Variants in LAYN observed in about 807,000 individuals in gnomAD.
The protein encoded by LAYN is layilin.
LAYN carries 38 observed loss-of-function variants against 43.6 expected under a neutral mutation model. The ratio of observed to expected loss-of-function variants is 0.87; its 90% CI spans 0.67 to 1.14. LAYN has a LOEUF of 1.14. Ranked by LOEUF, LAYN falls within the 50% of genes most tolerant of loss-of-function variation. The pLI is 0.00. For synonymous variants in LAYN, 168 were observed against 172.9 expected (o/e 0.97, Z 0.22); for missense variants, 479 against 463.8 (o/e 1.03, Z -0.30).
chr11:111,555,190 C>T lies in LAYN; in HGVS notation c.575-17C>T. ...ATGCCTTTCTTCAAGTTCACAAGTC[C>T]ATGTGTCTCTCTCCAGGTGAGGAAA... On this transcript the variant is annotated splice_polypyrimidine_tract_variant and intron_variant, in intron 4 of 6. Transcript: ENST00000375614. 1 of 1,589,296 alleles carries T rather than the reference C, an allele frequency of 6.3e-7. No homozygotes were observed.
intron 3 of LAYN, chr11:111,551,400 C>A (rs1162935599): frequency 4.4e-6 from 2 of 456,266 alleles, no homozygotes; most frequent in Non-Finnish European, 8.8e-6. Context: ...ACCTCAACCT[C>A]CCAAGGCACA....
At chr11:111,549,525 T>A in intron 2 of LAYN, 93 bp from the exon 3 acceptor site, 3 of 1,092,000 alleles carry the variant, frequency 2.7e-6, no homozygotes, top group Non-Finnish European at 2.5e-6. Flanking sequence ...ATCTTATGTT[T>A]ATGGCTCAGT....
intron 6 of LAYN, 113 bp from the exon 7 acceptor site, chr11:111,559,982 A>G: frequency 8.1e-7 from 1 of 1,238,134 alleles, no homozygotes; most frequent in African/African-American, 1.5e-5. Context: ...CATAGACGAG[A>G]CATGCAGCTG....
Position 111,560,167 on chromosome 11 carries a change from C to CCCGGACCTAG in LAYN, c.835_844dup (p.Glu282AlafsTer16). 4 of 1,614,202 alleles carry CCCGGACCTAG rather than the reference C, an allele frequency of 2.5e-6. No homozygotes were observed. The highest frequency in any genetic ancestry group is 2.5e-6 in the Non-Finnish European group (3 of 1,180,028). On this transcript the variant is annotated frameshift_variant, in exon 7 of 7. Transcript: ENST00000375614. LOFTEE classifies it high-confidence loss of function. Reference sequence around the variant, plus strand: ...GGCCCTCTCCTCACCAGGGAAACAGCCCGGACCTAGAGGTCTACAATGTCA... The same window carrying CCCGGACCTAG: ...GGCCCTCTCCTCACCAGGGAAACAGCCCGGACCTAGCCGGACCTAGAGGTCTACAATGTCA...
In LAYN at chr11:111,553,380, G is replaced by A. The variant is rs12574382; in HGVS notation, c.542-1181G>A. ...TGTAATCCCAGCATTTTGGGAAGCT[G>A]AAGCTGGTGGATCACTTGAGGTCAG... On this transcript the variant is annotated intron_variant, in intron 3 of 6. Transcript: ENST00000375614. Among the ~76,000 whole-genome samples the A allele has an allele frequency of 3.1e-3, 472 of 152,202 alleles. 19 individuals are homozygous for A. The East Asian group carries it at 0.076, about 24-fold the overall frequency.
chr11:111,546,990 G>A (rs1196973304), intron 2 of LAYN, among the ~76,000 whole-genome samples: 3 of 152,102 alleles, frequency 2.0e-5, no homozygotes, highest in Admixed American at 6.5e-5. Flanking sequence ...GGCCCAAGTG[G>A]CAAATCTGCT....
At chr11:111,543,842 C>T (rs1867592234) in intron 1 of LAYN, 81 bp from the exon 2 acceptor site, 2 of 1,387,828 alleles carry the variant, frequency 1.4e-6, no homozygotes, top group African/African-American at 1.4e-5. Flanking sequence ...CCAGGGATAC[C>T]TTCCTTTGGA....
rs1383171464 is a variant in LAYN at position 111,560,338 on chromosome 11, T to G, written c.1005T>G (p.Phe335Leu). ...NMAVNPSESG[F>L]VTLVSVESGF... ...CTGTGAACCCATCAGAAAGTGGGTT[T>G]GTGACTCTGGTGAGCGTGGAGAGTG... The change falls in exon 7 of 7, where the codon TTT (phenylalanine) becomes TTG (leucine). Residue 335 changes from phenylalanine to leucine, a missense_variant. By Grantham distance (22) the Phe-to-Leu change is conservative. Coordinates refer to ENST00000375614, the MANE Select transcript of LAYN (RefSeq NM_178834.5). 6 of 1,614,080 alleles carry G rather than the reference T, an allele frequency of 3.7e-6. No homozygotes were observed. The highest frequency in any genetic ancestry group is 5.1e-6 in the Non-Finnish European group (6 of 1,180,036).
At chr11:111,555,170 T>C (rs759288529) in intron 4 of LAYN, 37 bp from the exon 5 acceptor site, 2 of 1,491,250 alleles carry the variant, frequency 1.3e-6, no homozygotes, top group Non-Finnish European at 1.9e-6. Flanking sequence ...GAATTATGCC[T>C]TTCTTCAAGT....
At chr11:111,557,393 T>C (rs895601208) in intron 5 of LAYN, 148 bp from the exon 6 acceptor site, 36 of 672,486 alleles carry the variant, frequency 5.4e-5, no homozygotes, top group Non-Finnish European at 7.5e-5. Flanking sequence ...AGCCTTTTCC[T>C]TTGTTTTGTT....
At position 111,560,643 on chromosome 11, in the gene LAYN, C is replaced by G. The variant is rs1867940257; in HGVS notation, c.*185C>G. ...TTTTGGCTGTATCCTTTATCCCAGCCAGTCATCCAGCTCGACCTTATGAGA... is the reference window on the plus strand; with the variant it reads ...TTTTGGCTGTATCCTTTATCCCAGCGAGTCATCCAGCTCGACCTTATGAGA... On this transcript the variant is annotated 3_prime_UTR_variant, in exon 7 of 7. Coordinates refer to ENST00000375614, the MANE Select transcript of LAYN (RefSeq NM_178834.5). 1.1e-5 allele frequency: 7 copies of G among 626,124 alleles called. No homozygotes were observed. The highest frequency in any genetic ancestry group is 2.8e-5 in the East Asian group (1 of 35,226). The allele number at this position is 626,124 out of a possible 1,614,324, so 38.8% of individuals were successfully genotyped here.
chr11:111,555,386 C>A, intron 5 of LAYN, 96 bp downstream of exon 5: 1 of 863,748 alleles, frequency 1.2e-6, no homozygotes, highest in Non-Finnish European at 1.9e-6. Flanking sequence ...TTTCCCACAG[C>A]TACCTAAAAA....
In LAYN at chr11:111,540,908, C is replaced by T; in HGVS notation, c.65C>T (p.Ala22Val). Residue 22 changes from alanine (A) to valine (V), a missense_variant, in exon 1 of 7, where the codon GCG (alanine) becomes GTG (valine). Transcript: ENST00000375614. ...LAVLLVGLRA[A>V]TGRLLSGQPV... ...GTGCTGCTGGTGGGGCTGCGGGCCG[C>T]GACGGGTCGCCTGCTGAGTGGTGAG... is the stretch of plus-strand genomic sequence containing the variant. The T allele has an allele frequency of 6.5e-7, 1 of 1,532,084 alleles. No individual in the cohort carries two copies. Among genetic ancestry groups the T allele is most frequent in the Non-Finnish European group, 8.7e-7 (1 of 1,145,636 alleles). The allele number at this position is 1,532,084 out of a possible 1,614,324, so 94.9% of individuals were successfully genotyped here.
Position 111,560,485 on chromosome 11 carries a change from C to T in LAYN, c.*27C>T. ...ACATATAAAAAACTGAAACTGACAA[C>T]AATGGAAAAGAAATGATAAGCAAAA... On this transcript the variant is annotated 3_prime_UTR_variant, in exon 7 of 7. Transcript: ENST00000375614. The T allele has an allele frequency of 6.3e-7, 1 of 1,580,298 alleles. No individual in the cohort carries two copies.
chr11:111,541,726 C>G, intron 1 of LAYN: 1 of 749,582 alleles, frequency 1.3e-6, no homozygotes, highest in Non-Finnish European at 2.3e-6. Flanking sequence ...CTCCTCTACT[C>G]TGGCATCCTG....
chr11:111,554,106 G>T (rs1867790850), intron 3 of LAYN, among the ~76,000 whole-genome samples: 7 of 152,146 alleles, frequency 4.6e-5, no homozygotes, highest in Admixed American at 4.6e-4. Context: ...ATCAGTGTTT[G>T]TTGCCCTCTA....
chr11:111,546,060 A>G (rs867403122), intron 2 of LAYN, among the ~76,000 whole-genome samples: 4 of 151,970 alleles, frequency 2.6e-5, no homozygotes, highest in South Asian at 4.1e-4. Context: ...CTCTGCCACT[A>G]CCTATTAGTA....
At position 111,540,897 on chromosome 11, in the gene LAYN, G is replaced by C; in HGVS notation, c.54G>C (p.Gly18=). Residue 18 remains glycine (G), a synonymous_variant, in exon 1 of 7, where the codon GGG becomes GGC. Transcript: ENST00000375614. The part of the protein sequence containing the change: ...QAVLLAVLLV[G]LRAATGRLLS... ...TGCTGCTGGCCGTGCTGCTGGTGGGGCTGCGGGCCGCGACGGGTCGCCTGC... is the reference window on the plus strand; with the variant it reads ...TGCTGCTGGCCGTGCTGCTGGTGGGCCTGCGGGCCGCGACGGGTCGCCTGC... The C allele has an allele frequency of 6.5e-7, 1 of 1,532,398 alleles. No individual in the cohort carries two copies. Among genetic ancestry groups the C allele is most frequent in the Non-Finnish European group, 8.7e-7 (1 of 1,145,752 alleles). The allele number at this position is 1,532,398 out of a possible 1,614,324, so 94.9% of individuals were successfully genotyped here. A position where few individuals can be genotyped will look rare whatever the true frequency, so the allele number is the denominator to read the frequency against.
intron 1 of LAYN, chr11:111,541,300 GGCAGGCTTGCC>G: frequency 3.3e-6 from 2 of 602,940 alleles, no homozygotes; most frequent in South Asian, 3.9e-5. Flanking sequence ...ACCCCCGCGG[GGCAGGCTTGCC>G]AGCTGGCCCC....
Sources: allele counts gnomAD v4.1 joint callset (sites outside exome capture counted in the v4.1 genomes callset), GRCh38; gene constraint gnomAD v4.1.1; transcripts MANE v1.5; gene names NCBI Gene and HGNC (gene_info 2026-07-23, HGNC 2026-07-21).